The following NFIA variants were observed in gnomAD, a reference collection of about 807,000 sequenced individuals.
NFIA encodes the protein nuclear factor I A, also known as nuclear factor 1 A-type.
Under a neutral mutation model 62.8 loss-of-function variants are expected in NFIA, and 8 were observed. The observed-to-expected ratio is 0.13, with a 90% CI of 0.07 to 0.23. The LOEUF (loss-of-function observed/expected upper bound fraction) is 0.23, where lower values mean the gene tolerates loss of function less well. Ranked by LOEUF, NFIA falls within the 10% of genes least tolerant of loss-of-function variation. The pLI, the probability that NFIA is intolerant of heterozygous loss-of-function variation, is 1.00. For missense variants in NFIA, 410 were observed against 642.1 expected (o/e 0.64, Z 3.91); for synonymous variants, 235 against 238.1 (o/e 0.99, Z 0.12).
Position 61,455,392 on chromosome 1 carries a change from C to G in NFIA, c.*72C>G. 6.2e-7 allele frequency: 1 copy of G among 1,613,272 alleles called. No homozygotes were observed. The highest frequency in any genetic ancestry group is 1.1e-5 in the South Asian group (1 of 90,952). On this transcript the variant is annotated 3_prime_UTR_variant, in exon 11 of 11. Coordinates refer to ENST00000403491, the MANE Select transcript of NFIA (RefSeq NM_001134673.4). Reference sequence around the variant, plus strand: ...CTCAACTCTGTAACATGGACGCAACCTCAACCCAGCGCAGTTACAACTTCA... The same window carrying G: ...CTCAACTCTGTAACATGGACGCAACGTCAACCCAGCGCAGTTACAACTTCA...
At chr1:61,153,438 C>CA (rs1314626009) in intron 2 of NFIA, among the ~76,000 whole-genome samples, 2 of 152,204 alleles carry the variant, frequency 1.3e-5, no homozygotes, top group Non-Finnish European at 2.9e-5. Flanking sequence ...CTTTTATCAT[C>CA]AAGGACCTCA....
intron 2 of NFIA, among the ~76,000 whole-genome samples, chr1:61,270,308 CTG>C (rs1293496749): frequency 6.6e-6 from 1 of 152,170 alleles, no homozygotes; most frequent in Non-Finnish European, 1.5e-5. Flanking sequence ...GATGAAGAAA[CTG>C]AGATCCAGCA....
chr1:61,154,123 A>G (rs1031715084), intron 2 of NFIA, among the ~76,000 whole-genome samples: 4 of 152,188 alleles, frequency 2.6e-5, no homozygotes, highest in Admixed American at 1.3e-4. Flanking sequence ...TGACAATTTA[A>G]AAACACACAT....
chr1:61,077,502 C>G (rs998484409), upstream of NFIA: 2 of 892,212 alleles, frequency 2.2e-6, no homozygotes, highest in African/African-American at 3.4e-5. Context: ...TAAAAAATCT[C>G]TTCCGGGTTT....
At chr1:61,356,617 T>C (rs1403978404) in intron 5 of NFIA, among the ~76,000 whole-genome samples, 7 of 152,232 alleles carry the variant, frequency 4.6e-5, no homozygotes, top group Non-Finnish European at 1.0e-4. Flanking sequence ...TATCGTCTTA[T>C]AAAGGACTCC....
intron 10 of NFIA, among the ~76,000 whole-genome samples, chr1:61,434,777 A>G (rs1667256872): frequency 6.6e-6 from 1 of 152,032 alleles, no homozygotes; most frequent in African/African-American, 2.4e-5. Flanking sequence ...CCTTTTTTTT[A>G]ATATTAAAGT....
chr1:61,433,566 A>ACC (rs1011449084), intron 10 of NFIA, among the ~76,000 whole-genome samples: 4 of 151,938 alleles, frequency 2.6e-5, no homozygotes, highest in African/African-American at 9.7e-5. Flanking sequence ...ACACACACAC[A>ACC]CCCTTATGGT....
chr1:61,254,304 ATTGTCATATCATT>A (rs376264286), intron 2 of NFIA, among the ~76,000 whole-genome samples: 76 of 152,338 alleles, frequency 5.0e-4, no homozygotes, highest in African/African-American at 1.7e-3. Flanking sequence ...AGCTCCCTGC[ATTGTCATATCATT>A]TTAAATGGGC....
In NFIA at chr1:61,278,297, A is replaced by G. The variant is rs1657934271; in HGVS notation, c.625+712A>G. ...CATGGGTTGGAGTTTTATATTGAAT[A>G]AAACTATCGGTTTCAATAAAAACAG... On this transcript the variant is annotated intron_variant, in intron 3 of 10. Transcript: ENST00000403491. Among the ~76,000 whole-genome samples, 4 of 152,346 alleles carry G rather than the reference A, an allele frequency of 2.6e-5. No individual in the cohort carries two copies. In the South Asian group the frequency reaches 8.3e-4, roughly 32 times the overall value.
rs543608873 is a variant in NFIA at position 61,267,511 on chromosome 1, GA to G, written c.560-9998del. Reference sequence around the variant, plus strand: ...GCAACAAAGGGAGACTTCGTCTCAAGAAAAAAAAAAATTGGATACTTTACAC... The same window carrying G: ...GCAACAAAGGGAGACTTCGTCTCAAGAAAAAAAAAATTGGATACTTTACAC... On this transcript the variant is annotated intron_variant, in intron 2 of 10. Coordinates refer to ENST00000403491, the MANE Select transcript of NFIA (RefSeq NM_001134673.4). Among the ~76,000 whole-genome samples, 544 of 144,240 alleles carry G rather than the reference GA, an allele frequency of 3.8e-3. 1 individual carries two copies. Among genetic ancestry groups the G allele is most frequent in the Admixed American group, 9.6e-3 (139 of 14,542 alleles). The allele number at this position is 144,240 out of a possible 152,430, so 94.6% of individuals were successfully genotyped here. A position where few individuals can be genotyped will look rare whatever the true frequency, so the allele number is the denominator to read the frequency against.
chr1:61,361,939 T>C lies in NFIA; in HGVS notation c.946+2665T>C, dbSNP rs80228886. Among the ~76,000 whole-genome samples, 12 of 152,182 alleles carry C rather than the reference T, an allele frequency of 7.9e-5. No individual in the cohort carries two copies. In the East Asian group the frequency reaches 2.3e-3, roughly 29 times the overall value. Reference sequence around the variant, plus strand: ...AATGCAGTTTCATGGTATATGTTTATAGGGAGTGATAGAGGACAGTGGATA... The same window carrying C: ...AATGCAGTTTCATGGTATATGTTTACAGGGAGTGATAGAGGACAGTGGATA... On this transcript the variant is annotated intron_variant, in intron 6 of 10. Coordinates refer to ENST00000403491, the MANE Select transcript of NFIA (RefSeq NM_001134673.4).
chr1:61,368,023 C>T (rs150149606), intron 6 of NFIA, among the ~76,000 whole-genome samples: 28 of 152,336 alleles, frequency 1.8e-4, no homozygotes, highest in African/African-American at 5.3e-4. Flanking sequence ...GTTTGTCGAA[C>T]GAATGAGCGT....
intron 5 of NFIA, 118 bp from the exon 6 acceptor site, chr1:61,359,029 G>A: frequency 7.0e-7 from 1 of 1,418,760 alleles, no homozygotes; most frequent in South Asian, 1.3e-5. Context: ...AGGAGTCCTA[G>A]AACTACATTA....
intron 1 of NFIA, among the ~76,000 whole-genome samples, chr1:61,087,208 C>T (rs1018526637): frequency 4.0e-5 from 6 of 151,694 alleles, no homozygotes; most frequent in Non-Finnish European, 7.4e-5. Context: ...TGAGGGTTTT[C>T]CCGGCATCTT....
chr1:61,278,188 A>G (rs1657927410), intron 3 of NFIA, among the ~76,000 whole-genome samples: 1 of 152,232 alleles, frequency 6.6e-6, no homozygotes, highest in African/African-American at 2.4e-5. Flanking sequence ...CTTTATTAAA[A>G]TAGAACATAC....
intron 2 of NFIA, among the ~76,000 whole-genome samples, chr1:61,202,610 A>C (rs187858647): frequency 0.013 from 1,989 of 152,354 alleles, 14 homozygotes; most frequent in Non-Finnish European, 0.021. Context: ...AACTTTTAAA[A>C]TGGCAAAATT....
chr1:61,331,919 A>C (rs957953647), intron 3 of NFIA, among the ~76,000 whole-genome samples: 16 of 152,058 alleles, frequency 1.1e-4, no homozygotes, highest in African/African-American at 2.4e-4. Flanking sequence ...AACAGACACA[A>C]AAAAAAATTT....
At chr1:61,105,720 T>C (rs10493302) in intron 2 of NFIA, among the ~76,000 whole-genome samples, 33,067 of 151,834 alleles carry the variant, frequency 0.22, 4,440 homozygotes, top group East Asian at 0.51. Flanking sequence ...GTTTTTGTAT[T>C]TGAGAGAAGA....
At position 61,225,655 on chromosome 1, in the gene NFIA, T is replaced by C. The variant is rs147166608; in HGVS notation, c.560-51865T>C. Among the ~76,000 whole-genome samples the C allele has an allele frequency of 7.0e-3, 1,057 of 151,896 alleles. 29 individuals carry two copies. The highest frequency in any genetic ancestry group is 0.048 in the Admixed American group (734 of 15,238). On this transcript the variant is annotated intron_variant, in intron 2 of 10. Coordinates refer to ENST00000403491, the MANE Select transcript of NFIA (RefSeq NM_001134673.4). ...GAAGTTTGCTTGTTCGTATCTACGA[T>C]TGACATCTTCAGTACTTGCTGAATA...
Sources: allele counts gnomAD v4.1 joint callset (sites outside exome capture counted in the v4.1 genomes callset), GRCh38; gene constraint gnomAD v4.1.1; transcripts MANE v1.5; gene names NCBI Gene and HGNC (gene_info 2026-07-23, HGNC 2026-07-21).